SLC24A3: variants seen among roughly 807,000 people sequenced by gnomAD.
The protein encoded by SLC24A3 is solute carrier family 24 member 3, also known as sodium/potassium/calcium exchanger 3.
SLC24A3 carries 28 observed loss-of-function variants against 75.8 expected under a neutral mutation model. The observed-to-expected ratio is 0.37, with a 90% confidence interval of 0.27 to 0.51. The LOEUF (loss-of-function observed/expected upper bound fraction) is 0.51. SLC24A3 is among the 20% of genes least tolerant of loss of function. The probability of loss-of-function intolerance (pLI) is 0.94; values close to 1 mark genes in which losing one functional copy is unlikely to be tolerated. For missense variants in SLC24A3, 663 were observed against 847.8 expected, an observed-to-expected ratio of 0.78 and a Z score of 2.71; for synonymous variants, 372 against 334.1, an observed-to-expected ratio of 1.11 and a Z score of -1.24.
chr20:19,685,356 C>A lies in SLC24A3; in HGVS notation c.1319C>A (p.Thr440Asn), dbSNP rs758639901. 8.7e-6 allele frequency: 14 copies of A among 1,613,684 alleles called. No individual in the cohort carries two copies. The highest frequency in any genetic ancestry group is 8.3e-5 in the Admixed American group (5 of 60,012). The change falls in exon 12 of 17, where the codon ACC becomes AAC. Residue 440 changes from threonine to asparagine, a missense_variant. Thr to Asn is a moderately conservative substitution (Grantham distance 65). Around this residue, in one of 2 missense-constraint regions of SLC24A3, gnomAD observed 510 missense variants for 703.6 expected, o/e 0.72. Coordinates refer to ENST00000328041, the MANE Select transcript of SLC24A3 (RefSeq NM_020689.4). ...DDEGPYTPFDTPSGKLETVKW... is the reference protein window; with the variant it reads ...DDEGPYTPFDNPSGKLETVKW... ...GAAGGACCGTACACACCATTCGACA[C>A]CCCCTGTAAGAGGTTCTATGTCTGG... is the stretch of plus-strand genomic sequence containing the variant.
At chr20:19,621,338 C>A (rs1466610229) in intron 6 of SLC24A3, among the ~76,000 whole-genome samples, 1 of 152,140 alleles carries the variant, frequency 6.6e-6, no homozygotes, top group African/African-American at 2.4e-5. Flanking sequence ...CCTGACTCAT[C>A]CCCTCAACAG....
chr20:19,412,560 G>A (rs1244456747), intron 2 of SLC24A3, among the ~76,000 whole-genome samples: 1 of 151,700 alleles, frequency 6.6e-6, no homozygotes, highest in Non-Finnish European at 1.5e-5. Flanking sequence ...GGAGAAGGAG[G>A]AGGGACAGGA....
chr20:19,540,367 C>A (rs1229628301), intron 3 of SLC24A3, among the ~76,000 whole-genome samples: 2 of 152,190 alleles, frequency 1.3e-5, no homozygotes, highest in African/African-American at 4.8e-5. Flanking sequence ...TCGAGAGAGA[C>A]CTGCTCTCTC....
At chr20:19,666,860 G>A (rs1288132247) in intron 8 of SLC24A3, among the ~76,000 whole-genome samples, 4 of 152,180 alleles carry the variant, frequency 2.6e-5, no homozygotes, top group African/African-American at 4.8e-5. Flanking sequence ...CCTCGTTTTC[G>A]AGATGGGTTC....
At chr20:19,633,420 C>T (rs959799893) in intron 6 of SLC24A3, among the ~76,000 whole-genome samples, 2 of 151,938 alleles carry the variant, frequency 1.3e-5, no homozygotes, top group African/African-American at 4.8e-5. Context: ...GAGGCCGAGG[C>T]GGGCGGATCA....
At chr20:19,320,908 A>G (rs780828529) in intron 2 of SLC24A3, among the ~76,000 whole-genome samples, 3 of 152,092 alleles carry the variant, frequency 2.0e-5, no homozygotes, top group Non-Finnish European at 4.4e-5. Context: ...GAATTCATGA[A>G]TGTAGAAGAC....
At chr20:19,269,935 G>T (rs1449481002) in intron 1 of SLC24A3, among the ~76,000 whole-genome samples, 1 of 152,186 alleles carries the variant, frequency 6.6e-6, no homozygotes, top group Non-Finnish European at 1.5e-5. Context: ...CCTTCATCAT[G>T]ACTCTTCTTC....
chr20:19,221,086 A>G (rs866634664), intron 1 of SLC24A3, among the ~76,000 whole-genome samples: 5 of 152,144 alleles, frequency 3.3e-5, no homozygotes, highest in South Asian at 2.1e-4. Context: ...TAGAGACAGG[A>G]TCTTGCTGTT....
At chr20:19,364,034 G>T (rs1568600167) in intron 2 of SLC24A3, among the ~76,000 whole-genome samples, 2 of 152,110 alleles carry the variant, frequency 1.3e-5, no homozygotes, top group East Asian at 3.9e-4. Context: ...TAATGACCTT[G>T]CCCCTGGCCA....
chr20:19,681,730 C>G lies in SLC24A3; in HGVS notation c.768-128C>G, dbSNP rs186481957. The G allele has an allele frequency of 1.9e-3, 2,751 of 1,426,550 alleles. 7 individuals carry two copies. Among genetic ancestry groups the G allele is most frequent in the Non-Finnish European group, 2.4e-3 (2,482 of 1,035,266 alleles). The allele number at this position is 1,426,550 out of a possible 1,614,324, so 88.4% of individuals were successfully genotyped here. Reference sequence around the variant, plus strand: ...GGGGAATGGGTTGAGAAAATTAGAACACTAATAACTTGAGGCCTGGTGACT... The same window carrying G: ...GGGGAATGGGTTGAGAAAATTAGAAGACTAATAACTTGAGGCCTGGTGACT... On this transcript the variant is annotated intron_variant, in intron 9 of 16. Transcript: ENST00000328041.
At chr20:19,357,635 C>G (rs1324433838) in intron 2 of SLC24A3, among the ~76,000 whole-genome samples, 1 of 152,096 alleles carries the variant, frequency 6.6e-6, no homozygotes, top group Non-Finnish European at 1.5e-5. Flanking sequence ...ATTTCTTCTT[C>G]TTATTGATTT....
chr20:19,667,317 T>G (rs2032410219), intron 8 of SLC24A3, among the ~76,000 whole-genome samples: 1 of 152,148 alleles, frequency 6.6e-6, no homozygotes, highest in South Asian at 2.1e-4. Context: ...TGAAAGGAAT[T>G]GACATGCCCA....
intron 3 of SLC24A3, among the ~76,000 whole-genome samples, chr20:19,574,056 A>G (rs2031093743): frequency 1.3e-5 from 2 of 152,210 alleles, no homozygotes; most frequent in Admixed American, 6.5e-5. Context: ...CCCACCAAGC[A>G]GCGCATCTGG....
intron 3 of SLC24A3, 80 bp downstream of exon 3, chr20:19,515,644 C>G (rs1322657296): frequency 9.3e-6 from 13 of 1,404,014 alleles, no homozygotes; most frequent in Non-Finnish European, 1.3e-5. Flanking sequence ...TGAGGTGCCC[C>G]CAGTAGATTC....
At chr20:19,634,878 C>T (rs767057149) in intron 6 of SLC24A3, among the ~76,000 whole-genome samples, 3 of 152,082 alleles carry the variant, frequency 2.0e-5, no homozygotes, top group Non-Finnish European at 4.4e-5. Context: ...ATAAATGATA[C>T]CGCAAAAATT....
At chr20:19,470,541 C>G (rs183897444) in intron 2 of SLC24A3, among the ~76,000 whole-genome samples, 4 of 152,256 alleles carry the variant, frequency 2.6e-5, no homozygotes, top group Middle Eastern at 3.4e-3. Flanking sequence ...TAAGTCTGTA[C>G]GCTGAACTTC....
In SLC24A3 at chr20:19,290,149, A is replaced by G. The variant is rs573030756; in HGVS notation, c.271+9062A>G. Among the ~76,000 whole-genome samples the G allele has an allele frequency of 7.2e-5, 11 of 152,178 alleles. No homozygotes were observed. The East Asian group carries it at 2.1e-3, about 30-fold the overall frequency. On this transcript the variant is annotated intron_variant, in intron 2 of 16. Coordinates refer to ENST00000328041, the MANE Select transcript of SLC24A3 (RefSeq NM_020689.4). ...GAACCTCTGAAAGGCAGGCCCAGCC[A>G]TCTGGGTTGTAACAAGCCCTCCAGG...
At position 19,280,946 on chromosome 20, in the gene SLC24A3, T is replaced by G; in HGVS notation, c.143-13T>G. The G allele has an allele frequency of 6.2e-7, 1 of 1,612,590 alleles. No homozygotes were observed. The highest frequency in any genetic ancestry group is 8.5e-7 in the Non-Finnish European group (1 of 1,179,198). The stretch of plus-strand genomic sequence containing the variant: ...CTGTGAATGATGTGTGGTTATTGTC[T>G]TTGTCTCCCCAGAGCTTGACCTCAT... On this transcript the variant is annotated splice_polypyrimidine_tract_variant and intron_variant, in intron 1 of 16. Coordinates refer to ENST00000328041, the MANE Select transcript of SLC24A3 (RefSeq NM_020689.4).
Position 19,364,548 on chromosome 20 carries a change from C to A in SLC24A3, c.271+83461C>A, listed in dbSNP as rs576932561. Among the ~76,000 whole-genome samples, 156 of 152,168 alleles carry A rather than the reference C, an allele frequency of 1.0e-3. 3 individuals carry two copies. The highest frequency in any genetic ancestry group is 3.5e-3 in the Admixed American group (54 of 15,294). On this transcript the variant is annotated intron_variant, in intron 2 of 16. Transcript: ENST00000328041. ...ATGTTTCACTGCAGCATCAAACTCCCGGGCTCAGTTGATTCTCTACTTCAG... is the reference window on the plus strand; with the variant it reads ...ATGTTTCACTGCAGCATCAAACTCCAGGGCTCAGTTGATTCTCTACTTCAG...
Sources: gnomAD v4.1 joint callset for allele counts (sites outside exome capture counted in the v4.1 genomes callset) on GRCh38, gnomAD v4.1.1 for gene constraint, gnomAD v4.1.1 regional missense constraint, MANE v1.5 for transcripts, NCBI Gene and HGNC (gene_info 2026-07-23, HGNC 2026-07-21) for gene names.